Variants in FBN2 observed in about 807,000 individuals in gnomAD.
The protein encoded by FBN2 is fibrillin 2.
FBN2 carries 105 observed loss-of-function variants against 355.6 expected under a neutral mutation model. The ratio of observed to expected loss-of-function variants is 0.30; its 90% CI spans 0.25 to 0.35. The LOEUF is 0.35. Among genes scored for constraint, FBN2 ranks in the 10% least tolerant of loss-of-function variants. The probability of loss-of-function intolerance (pLI) is 1.00; values close to 1 mark genes in which losing one functional copy is unlikely to be tolerated. For missense variants in FBN2, 3,280 were observed against 3,758.7 expected (o/e 0.87, Z 3.33); for synonymous variants, 1,350 against 1,301.2 (o/e 1.04, Z -0.81).
At chr5:128,345,295 A>T in intron 24 of FBN2, 62 bp downstream of exon 24, 1 of 1,334,274 alleles carries the variant, frequency 7.5e-7, no homozygotes, top group Non-Finnish European at 1.1e-6. Flanking sequence ...ACCAATTCTC[A>T]GAGAATGTGG....
chr5:128,270,543 T>C (rs1271364301), intron 62 of FBN2, among the ~76,000 whole-genome samples: 1 of 151,734 alleles, frequency 6.6e-6, no homozygotes, highest in Non-Finnish European at 1.5e-5. Context: ...AAATAAAAAA[T>C]CCCTGAAGAA....
intron 8 of FBN2, among the ~76,000 whole-genome samples, chr5:128,397,781 A>G (rs1167560861): frequency 1.3e-5 from 2 of 152,174 alleles, no homozygotes; most frequent in East Asian, 3.8e-4. Context: ...TTTCACCTTT[A>G]GGCTACTATT....
intron 5 of FBN2, among the ~76,000 whole-genome samples, chr5:128,472,024 T>C (rs1446221420): frequency 6.6e-6 from 1 of 152,250 alleles, no homozygotes; most frequent in Non-Finnish European, 1.5e-5. Flanking sequence ...TACTAAAATC[T>C]GTTAAGACTA....
chr5:128,408,040 A>G (rs1752976832), intron 8 of FBN2, among the ~76,000 whole-genome samples: 2 of 152,294 alleles, frequency 1.3e-5, no homozygotes, highest in South Asian at 4.2e-4. Context: ...TCAGCTTAAA[A>G]TTGGAATAGA....
chr5:128,310,480 C>T (rs1259527820), intron 39 of FBN2, among the ~76,000 whole-genome samples: 3 of 147,946 alleles, frequency 2.0e-5, no homozygotes, highest in Non-Finnish European at 3.0e-5. Context: ...TCCTATGTCA[C>T]TTAGGCTAAG....
intron 6 of FBN2, among the ~76,000 whole-genome samples, chr5:128,461,986 T>G (rs1754571530): frequency 6.6e-6 from 1 of 152,116 alleles, no homozygotes; most frequent in African/African-American, 2.4e-5. Flanking sequence ...GCAAAATAAA[T>G]AAATAAAATA....
At chr5:128,431,818 T>A (rs1345878021) in intron 7 of FBN2, among the ~76,000 whole-genome samples, 8 of 152,090 alleles carry the variant, frequency 5.3e-5, no homozygotes, top group Non-Finnish European at 1.2e-4. Context: ...AGGCAAGGAG[T>A]GTCTGCAGCA....
chr5:128,307,102 G>A, intron 42 of FBN2, 33 bp downstream of exon 42: 21 of 1,318,036 alleles, frequency 1.6e-5, no homozygotes, highest in Non-Finnish European at 2.3e-5. Context: ...CTACACATAT[G>A]TATTAAAACA....
chr5:128,398,647 G>A (rs1395327770), intron 8 of FBN2, among the ~76,000 whole-genome samples: 1 of 152,052 alleles, frequency 6.6e-6, no homozygotes, highest in Non-Finnish European at 1.5e-5. Context: ...TTAAAAAGAG[G>A]TTAAGAAATA....
At chr5:128,315,370 A>G in intron 36 of FBN2, among the ~76,000 whole-genome samples, 1 of 152,194 alleles carries the variant, frequency 6.6e-6, no homozygotes. Flanking sequence ...TGAACTTGGA[A>G]TATATCCAGT....
At chr5:128,533,626 T>A (rs1203077973) in intron 2 of FBN2, among the ~76,000 whole-genome samples, 1 of 152,190 alleles carries the variant, frequency 6.6e-6, no homozygotes, top group Non-Finnish European at 1.5e-5. Flanking sequence ...GCCATTGATC[T>A]GCTATGAGCT....
chr5:128,353,632 T>A (rs1047297974), intron 20 of FBN2, among the ~76,000 whole-genome samples: 21 of 152,216 alleles, frequency 1.4e-4, no homozygotes, highest in African/African-American at 5.1e-4. Context: ...TCATTTTAAG[T>A]AAGATAAACA....
intron 23 of FBN2, among the ~76,000 whole-genome samples, chr5:128,346,864 CTG>C (rs1235434625): frequency 1.3e-5 from 2 of 152,156 alleles, no homozygotes; most frequent in African/African-American, 4.8e-5. Flanking sequence ...GAAAAAATAA[CTG>C]TGGTAAATGT....
chr5:128,271,258 T>C (rs1446112997), intron 62 of FBN2, among the ~76,000 whole-genome samples: 1 of 152,236 alleles, frequency 6.6e-6, no homozygotes, highest in East Asian at 1.9e-4. Context: ...CAGTGCCCCT[T>C]TCTGCTCAGT....
At chr5:128,293,602 T>C (rs1749398115) in intron 48 of FBN2, among the ~76,000 whole-genome samples, 1 of 152,110 alleles carries the variant, frequency 6.6e-6, no homozygotes, top group Non-Finnish European at 1.5e-5. Flanking sequence ...TAAATAATAA[T>C]ATATGATATC....
chr5:128,509,210 CTAAATA>C (rs1271630506), intron 5 of FBN2, among the ~76,000 whole-genome samples: 1 of 152,226 alleles, frequency 6.6e-6, no homozygotes, highest in African/African-American at 2.4e-5. Context: ...TTTGCTAACT[CTAAATA>C]TATGTATTTA....
intron 60 of FBN2, among the ~76,000 whole-genome samples, 187 bp downstream of exon 60, chr5:128,274,380 T>C (rs947080011): frequency 3.3e-5 from 5 of 151,914 alleles, no homozygotes; most frequent in Non-Finnish European, 1.5e-5. Context: ...TAAAAAGGCC[T>C]TTTTTTTCCC....
intron 5 of FBN2, among the ~76,000 whole-genome samples, chr5:128,513,951 A>G (rs1040662831): frequency 6.6e-6 from 1 of 152,064 alleles, no homozygotes; most frequent in Non-Finnish European, 1.5e-5. Flanking sequence ...TCTGATGCCC[A>G]TTTAAGGCTA....
intron 5 of FBN2, among the ~76,000 whole-genome samples, chr5:128,484,470 A>G (rs1292922512): frequency 1.3e-5 from 2 of 152,254 alleles, no homozygotes; most frequent in East Asian, 3.8e-4. Flanking sequence ...CAAATCAACA[A>G]GAAAGACAAA....
Sources: gnomAD v4.1 joint callset for allele counts (sites outside exome capture counted in the v4.1 genomes callset) on GRCh38, gnomAD v4.1.1 for gene constraint, MANE v1.5 for transcripts, NCBI Gene and HGNC (gene_info 2026-07-23, HGNC 2026-07-21) for gene names.